Variants in LRRC8B observed in about 807,000 individuals in gnomAD.
The protein encoded by LRRC8B is leucine rich repeat containing 8 VRAC subunit B, also known as volume-regulated anion channel subunit LRRC8B.
LRRC8B carries 23 observed loss-of-function variants against 58.8 expected under a neutral mutation model. The ratio of observed to expected loss-of-function variants is 0.39; its 90% CI spans 0.28 to 0.55. LRRC8B has a LOEUF of 0.55. LRRC8B is among the 20% of genes least tolerant of loss of function. The pLI, the probability that LRRC8B is intolerant of heterozygous loss-of-function variation, is 0.62. For missense variants in LRRC8B, 694 were observed against 936.0 expected, an observed-to-expected ratio of 0.74 and a Z score of 3.37; for synonymous variants, 359 against 374.1, an observed-to-expected ratio of 0.96 and a Z score of 0.47.
At chr1:89,592,088 C>T (rs1212901208) in intron 5 of LRRC8B, among the ~76,000 whole-genome samples, 2 of 152,042 alleles carry the variant, frequency 1.3e-5, no homozygotes, top group East Asian at 3.8e-4. Flanking sequence ...CAGCAGTCAA[C>T]GGGAGCAGCT....
In LRRC8B at chr1:89,532,809, G is replaced by A. The variant is rs111874991; in HGVS notation, c.-241+7787G>A. ...ATGCCACCTACCTCACAGAACAAAT[G>A]AGGGCCTGGAGTTAGTGGATTGAAG... On this transcript the variant is annotated intron_variant, in intron 1 of 5. Coordinates refer to ENST00000330947, the MANE Select transcript of LRRC8B (RefSeq NM_001369817.2). Among the ~76,000 whole-genome samples the A allele has an allele frequency of 1.0e-2, 1,516 of 152,308 alleles. 26 individuals carry two copies. The highest frequency in any genetic ancestry group is 0.035 in the African/African-American group (1,440 of 41,566).
In LRRC8B at chr1:89,559,629, T is replaced by TACACACACAC. The variant is rs71084951; in HGVS notation, c.-240-8604_-240-8595dup. Among the ~76,000 whole-genome samples, 61 of 137,560 alleles carry TACACACACAC rather than the reference T, an allele frequency of 4.4e-4. 1 individual carries two copies. The highest frequency in any genetic ancestry group is 1.6e-3 in the African/African-American group (59 of 37,518). 90.2% of individuals were successfully genotyped at this position (137,560 alleles called of 152,430 possible). A position where few individuals can be genotyped will look rare whatever the true frequency, so the allele number is the denominator to read the frequency against. ...AAAAAAAAAAAAATATATATATATA[T>TACACACACAC]ACACACACACACACACACACACATA... On this transcript the variant is annotated intron_variant, in intron 1 of 5. Coordinates refer to ENST00000330947, the MANE Select transcript of LRRC8B (RefSeq NM_001369817.2).
rs772670423 is a variant in LRRC8B, at chr1:89,583,885, G to A, written c.1235G>A (p.Ser412Asn). ...NNEWTVEKLK[S>N]KLVKNAQDKI... Reference sequence around the variant, plus strand: ...GAATGGACAGTTGAGAAACTGAAAAGTAAGCTTGTGAAAAATGCCCAGGAC... The same window carrying A: ...GAATGGACAGTTGAGAAACTGAAAAATAAGCTTGTGAAAAATGCCCAGGAC... Residue 412 changes from serine to asparagine, a missense_variant, in exon 5 of 6, where the codon AGT (serine) becomes AAT (asparagine). Physicochemically the swap from Ser to Asn is conservative, Grantham distance 46 (BLOSUM62 1). Around this residue, in one of 5 missense-constraint regions of LRRC8B, gnomAD observed 162 missense variants for 198.5 expected, o/e 0.82. Coordinates refer to ENST00000330947, the MANE Select transcript of LRRC8B (RefSeq NM_001369817.2). The surrounding 1 kb of genome is among the most constrained non-coding windows in gnomAD (Gnocchi z 5.2). The A allele has an allele frequency of 6.2e-7, 1 of 1,614,182 alleles. No homozygotes were observed.
At chr1:89,530,452 T>C (rs1231262713) in intron 1 of LRRC8B, among the ~76,000 whole-genome samples, 2 of 152,064 alleles carry the variant, frequency 1.3e-5, no homozygotes, top group Non-Finnish European at 2.9e-5. Context: ...ATCTAATTCT[T>C]TTACAGTTTA....
chr1:89,569,891 T>A (rs1440335981), intron 3 of LRRC8B, among the ~76,000 whole-genome samples: 1 of 152,154 alleles, frequency 6.6e-6, no homozygotes, highest in Admixed American at 6.5e-5. Flanking sequence ...GGCCCCAGTA[T>A]GTGTTGTTAC....
chr1:89,580,491 CA>C (rs1654140767), intron 4 of LRRC8B, among the ~76,000 whole-genome samples: 1 of 152,192 alleles, frequency 6.6e-6, no homozygotes, highest in Admixed American at 6.5e-5. Context: ...TTTCATCCAG[CA>C]GTGTTTTCTA....
At chr1:89,565,235 A>G (rs1652962913) in intron 1 of LRRC8B, among the ~76,000 whole-genome samples, 1 of 152,192 alleles carries the variant, frequency 6.6e-6, no homozygotes, top group East Asian at 1.9e-4. Flanking sequence ...TCCCATTGGT[A>G]CCAGTATAGT....
rs1230517658 is a variant in LRRC8B at position 89,524,878 on chromosome 1, G to C, written c.-385G>C. 1 of 152,170 alleles carries C rather than the reference G, an allele frequency of 6.6e-6. No individual in the cohort carries two copies. The highest frequency in any genetic ancestry group is 1.5e-5 in the Non-Finnish European group (1 of 68,034). The allele number at this position is 152,170 out of a possible 1,614,324, so 9.4% of individuals were successfully genotyped here. On this transcript the variant is annotated 5_prime_UTR_variant, in exon 1 of 6. Transcript: ENST00000330947. ...CACAATGGAGCCGGTCGGAGGCGGC[G>C]AGCCGGACAGCGCCGGGGCTTCCCG... is the stretch of plus-strand genomic sequence containing the variant.
chr1:89,529,404 A>T (rs560684955), intron 1 of LRRC8B, among the ~76,000 whole-genome samples: 331 of 152,342 alleles, frequency 2.2e-3, no homozygotes, highest in African/African-American at 7.4e-3. Context: ...GTCAGCATTT[A>T]TTCTTAGCCT....
intron 1 of LRRC8B, among the ~76,000 whole-genome samples, chr1:89,562,089 A>C (rs1652704202): frequency 6.6e-6 from 1 of 151,188 alleles, no homozygotes; most frequent in Non-Finnish European, 1.5e-5. Context: ...GGCACCCAGT[A>C]AGTGTGTCTG....
At chr1:89,562,682 G>A (rs1005441702) in intron 1 of LRRC8B, among the ~76,000 whole-genome samples, 1 of 152,054 alleles carries the variant, frequency 6.6e-6, no homozygotes, top group Non-Finnish European at 1.5e-5. Context: ...TGTTGCCCAA[G>A]CTAGTCTCAA....
intron 1 of LRRC8B, among the ~76,000 whole-genome samples, chr1:89,549,344 C>A (rs1651642879): frequency 6.6e-6 from 1 of 152,100 alleles, no homozygotes; most frequent in African/African-American, 2.4e-5. Flanking sequence ...TCTATTAACC[C>A]TGTTGATATG....
rs1170891365 is a variant in LRRC8B at position 89,583,673 on chromosome 1, C to T, written c.1023C>T (p.Ser341=). ...GCCTGTGGTGGATGCTGAGGAGTTC[C>T]CTGAAGCAATATTCCTTTGAGGCGT... is the stretch of plus-strand genomic sequence containing the variant. ...SYSLWWMLRS[S]LKQYSFEALR... Residue 341 remains serine, a synonymous_variant, in exon 5 of 6, where the codon TCC becomes TCT. Coordinates refer to ENST00000330947, the MANE Select transcript of LRRC8B (RefSeq NM_001369817.2). The surrounding 1 kb of genome is among the most constrained non-coding windows in gnomAD (Gnocchi z 5.2). 5 of 1,613,906 alleles carry T rather than the reference C, an allele frequency of 3.1e-6. No individual in the cohort carries two copies. Among genetic ancestry groups the T allele is most frequent in the Non-Finnish European group, 8.5e-7 (1 of 1,180,028 alleles).
At chr1:89,543,919 C>G (rs1342727535) in intron 1 of LRRC8B, among the ~76,000 whole-genome samples, 1 of 152,238 alleles carries the variant, frequency 6.6e-6, no homozygotes, top group East Asian at 1.9e-4. Flanking sequence ...TCCTGAGTAG[C>G]TGGGACCACA....
chr1:89,567,437 C>G (rs1653126794), intron 1 of LRRC8B, among the ~76,000 whole-genome samples: 2 of 152,252 alleles, frequency 1.3e-5, no homozygotes, highest in African/African-American at 4.8e-5. Flanking sequence ...CAGCAAAATA[C>G]TCCTCTGGTT....
chr1:89,551,934 ATATT>A (rs1651851319), intron 1 of LRRC8B, among the ~76,000 whole-genome samples: 1 of 152,192 alleles, frequency 6.6e-6, no homozygotes, highest in Non-Finnish European at 1.5e-5. Context: ...ATTATTATAT[ATATT>A]TATATACATG....
intron 1 of LRRC8B, among the ~76,000 whole-genome samples, chr1:89,527,440 A>G (rs770314799): frequency 5.3e-5 from 8 of 152,254 alleles, no homozygotes; most frequent in Non-Finnish European, 1.2e-4. Flanking sequence ...ATTGCCTTGC[A>G]TGGAGCAGGT....
chr1:89,526,210 GT>G (rs1225241001), intron 1 of LRRC8B, among the ~76,000 whole-genome samples: 3 of 152,114 alleles, frequency 2.0e-5, no homozygotes, highest in Non-Finnish European at 4.4e-5. Context: ...AATGCTCTTT[GT>G]TTTGTTTCTT....
In LRRC8B at chr1:89,597,162, C is replaced by T. The variant is rs1655340749; in HGVS notation, c.*4119C>T. ...GTTTCCTTCTGTTTCTTGTCCATCACTTCTGTATCCACAGGGAGCTATCTA... is the reference window on the plus strand; with the variant it reads ...GTTTCCTTCTGTTTCTTGTCCATCATTTCTGTATCCACAGGGAGCTATCTA... On this transcript the variant is annotated 3_prime_UTR_variant, in exon 6 of 6. Transcript: ENST00000330947. 1 of 152,216 alleles carries T rather than the reference C, an allele frequency of 6.6e-6. No homozygotes were observed. The highest frequency in any genetic ancestry group is 1.5e-5 in the Non-Finnish European group (1 of 68,016). 9.4% of individuals were successfully genotyped at this position (152,216 alleles called of 1,614,324 possible).
Sources: allele counts gnomAD v4.1 joint callset (sites outside exome capture counted in the v4.1 genomes callset), GRCh38; gene constraint gnomAD v4.1.1; regional missense constraint gnomAD v4.1.1; non-coding constraint Gnocchi (gnomAD v3.1); transcripts MANE v1.5; gene names NCBI Gene and HGNC (gene_info 2026-07-23, HGNC 2026-07-21).